The following UXS1 variants were observed in gnomAD, a reference collection of about 807,000 sequenced individuals.
UXS1 encodes the protein UDP-glucuronic acid decarboxylase 1.
UXS1 carries 33 observed loss-of-function variants against 62.6 expected under a neutral mutation model. That is an observed-to-expected ratio of 0.53 (90% CI 0.40 to 0.70). The LOEUF is 0.70. UXS1 is among the 30% of genes least tolerant of loss of function. The pLI is 0.00. For synonymous variants in UXS1, 213 were observed against 206.8 expected (o/e 1.03, Z -0.26); for missense variants, 434 against 556.3 (o/e 0.78, Z 2.21).
chr2:106,104,737 G>T, intron 11 of UXS1, 57 bp downstream of exon 11: 1 of 1,602,322 alleles, frequency 6.2e-7, no homozygotes, highest in Non-Finnish European at 8.6e-7. Context: ...CTGTCAAGTT[G>T]GCATGACCCC....
intron 10 of UXS1, among the ~76,000 whole-genome samples, chr2:106,111,336 G>A (rs957787220): frequency 3.3e-5 from 5 of 152,214 alleles, no homozygotes; most frequent in Non-Finnish European, 7.4e-5. Context: ...GTGACAGGGG[G>A]AGGTGGGAGA....
rs1296993668 is a variant in UXS1 at position 106,112,689 on chromosome 2, A to G, written c.836T>C (p.Val279Ala). The G allele has an allele frequency of 6.2e-7, 1 of 1,614,032 alleles. No homozygotes were observed. The change falls in exon 10 of 15, where the codon GTC becomes GCC. Residue 279 changes from valine to alanine, a missense_variant. Val to Ala is a moderately conservative substitution (Grantham distance 64, BLOSUM62 0). Around this residue, in one of 3 missense-constraint regions of UXS1, gnomAD observed 209 missense variants for 233.3 expected, o/e 0.90. Coordinates refer to ENST00000283148, the MANE Select transcript of UXS1 (RefSeq NM_001253875.2). ...GAGCGCCTGCAGGATGAAGTTGCTGACTACTCGCCCATCGTTCATGTGCAT... is the reference window on the plus strand; with the variant it reads ...GAGCGCCTGCAGGATGAAGTTGCTGGCTACTCGCCCATCGTTCATGTGCAT... The part of the protein sequence containing the change: ...PRMHMNDGRV[V>A]SNFILQALQG...
intron 12 of UXS1, among the ~76,000 whole-genome samples, chr2:106,099,752 C>T (rs1000684044): frequency 4.6e-5 from 7 of 152,180 alleles, no homozygotes; most frequent in Non-Finnish European, 1.0e-4. Context: ...CGCCTCGGGC[C>T]TCTCCAGTGT....
chr2:106,123,139 T>A (rs1402118152), intron 8 of UXS1, 48 bp from the exon 9 acceptor site: 1 of 1,609,948 alleles, frequency 6.2e-7, no homozygotes, highest in Admixed American at 1.7e-5. Flanking sequence ...CTTTTTCCAG[T>A]TCATATCAAT....
chr2:106,124,195 T>C (rs546504408), intron 8 of UXS1, among the ~76,000 whole-genome samples: 1 of 152,212 alleles, frequency 6.6e-6, no homozygotes, highest in Non-Finnish European at 1.5e-5. Flanking sequence ...TACCAGATGA[T>C]TGATCCCAGA....
At chr2:106,128,115 A>G (rs1387341020) in intron 7 of UXS1, among the ~76,000 whole-genome samples, 1 of 152,096 alleles carries the variant, frequency 6.6e-6, no homozygotes, top group Non-Finnish European at 1.5e-5. Flanking sequence ...CACCAAGTGC[A>G]TGATCTTTTC....
intron 1 of UXS1, among the ~76,000 whole-genome samples, chr2:106,174,644 C>T (rs1415028498): frequency 1.3e-5 from 2 of 152,070 alleles, no homozygotes; most frequent in African/African-American, 4.8e-5. Flanking sequence ...TAGTGAGAGG[C>T]CACAGCCCTG....
Position 106,184,779 on chromosome 2 carries a change from A to G in UXS1, c.94+9369T>C, listed in dbSNP as rs1684459406. ...TGAATTCCAGGGGACACAAACATTC[A>G]GATCACAGCACTGGCCTGTACAGAA... On this transcript the variant is annotated intron_variant, in intron 1 of 14. Transcript: ENST00000283148. Among the ~76,000 whole-genome samples, 3 of 152,186 alleles carry G rather than the reference A, an allele frequency of 2.0e-5. No individual in the cohort carries two copies. The South Asian group carries it at 6.2e-4, about 32-fold the overall frequency.
At chr2:106,156,598 G>A (rs1457689468) in intron 5 of UXS1, among the ~76,000 whole-genome samples, 4 of 152,154 alleles carry the variant, frequency 2.6e-5, no homozygotes, top group African/African-American at 9.7e-5. Flanking sequence ...ACGCAAAGAT[G>A]CTCAGGTTCC....
chr2:106,116,806 G>C (rs890863274), intron 9 of UXS1, among the ~76,000 whole-genome samples: 2 of 152,180 alleles, frequency 1.3e-5, no homozygotes, highest in Non-Finnish European at 2.9e-5. Context: ...GGAGCACATG[G>C]ATTTTATGAT....
Position 106,101,129 on chromosome 2 carries a change from A to C in UXS1, c.924-11T>G. The C allele has an allele frequency of 6.2e-7, 1 of 1,613,728 alleles. No individual in the cohort carries two copies. Among genetic ancestry groups the C allele is most frequent in the South Asian group, 1.1e-5 (1 of 91,044 alleles). ...CCATTCACTAGATCGCTGGAAAAAA[A>C]GGGGAGGCAGGTGAGGCTCTGCCTG... On this transcript the variant is annotated splice_polypyrimidine_tract_variant and intron_variant, in intron 11 of 14. Coordinates refer to ENST00000283148, the MANE Select transcript of UXS1 (RefSeq NM_001253875.2).
chr2:106,173,801 G>A (rs200989013), intron 1 of UXS1, among the ~76,000 whole-genome samples: 10 of 152,202 alleles, frequency 6.6e-5, no homozygotes, highest in Non-Finnish European at 1.2e-4. Flanking sequence ...AACCATTTAA[G>A]AATTGTTAAA....
At chr2:106,189,136 G>A (rs183341829) in intron 1 of UXS1, among the ~76,000 whole-genome samples, 1 of 152,244 alleles carries the variant, frequency 6.6e-6, no homozygotes, top group Admixed American at 6.5e-5. Context: ...ATAGAAAATG[G>A]GAGGGGAGAA....
chr2:106,185,614 C>T lies in UXS1; in HGVS notation c.94+8534G>A, dbSNP rs543101865. On this transcript the variant is annotated intron_variant, in intron 1 of 14. Transcript: ENST00000283148. Reference sequence around the variant, plus strand: ...TAAAGAAAGATCACCATGAGTTTAACGGTGCCCCCTAAAATATGTCCACAT... The same window carrying T: ...TAAAGAAAGATCACCATGAGTTTAATGGTGCCCCCTAAAATATGTCCACAT... Among the ~76,000 whole-genome samples, 17 of 152,322 alleles carry T rather than the reference C, an allele frequency of 1.1e-4. No individual in the cohort carries two copies. The South Asian group carries it at 2.3e-3, about 20-fold the overall frequency.
At chr2:106,193,820 G>C (rs953790175) in intron 1 of UXS1, among the ~76,000 whole-genome samples, 1 of 152,030 alleles carries the variant, frequency 6.6e-6, no homozygotes, top group African/African-American at 2.4e-5. Context: ...ACCCTCGCCG[G>C]CTCCCAGCGC....
chr2:106,156,712 T>C (rs1403981570), intron 5 of UXS1, among the ~76,000 whole-genome samples: 1 of 152,208 alleles, frequency 6.6e-6, no homozygotes, highest in Non-Finnish European at 1.5e-5. Context: ...GTAAATGTTA[T>C]GTAAAAATGT....
intron 1 of UXS1, among the ~76,000 whole-genome samples, chr2:106,190,404 G>A (rs1289470406): frequency 6.6e-6 from 1 of 152,128 alleles, no homozygotes; most frequent in African/African-American, 2.4e-5. Context: ...GAAGCCAGGT[G>A]ATTCAATGGC....
intron 5 of UXS1, among the ~76,000 whole-genome samples, chr2:106,156,221 GGAT>G (rs1682414456): frequency 6.6e-6 from 1 of 151,994 alleles, no homozygotes; most frequent in Non-Finnish European, 1.5e-5. Flanking sequence ...TTAAAGAATA[GGAT>G]AATATCTAAT....
chr2:106,148,620 T>C (rs1267607968), intron 5 of UXS1, among the ~76,000 whole-genome samples: 2 of 152,226 alleles, frequency 1.3e-5, no homozygotes, highest in Non-Finnish European at 2.9e-5. Context: ...AATTTTTTTT[T>C]CTGAAGTAAT....
Sources: allele counts gnomAD v4.1 joint callset (sites outside exome capture counted in the v4.1 genomes callset), GRCh38; gene constraint gnomAD v4.1.1; regional missense constraint gnomAD v4.1.1; transcripts MANE v1.5; gene names NCBI Gene and HGNC (gene_info 2026-07-23, HGNC 2026-07-21).